SOX6: variants seen among roughly 807,000 people sequenced by gnomAD.
The protein encoded by SOX6 is SRY-box transcription factor 6, also known as transcription factor SOX-6.
In SOX6, 11 loss-of-function variants were observed where a neutral mutation model predicts 97.8. The observed-to-expected ratio is 0.11, with a 90% CI of 0.07 to 0.19. The LOEUF (loss-of-function observed/expected upper bound fraction) is 0.19. Ranked by LOEUF, SOX6 falls within the 10% of genes least tolerant of loss-of-function variation. The pLI is 1.00. For synonymous variants in SOX6, 360 were observed against 371.4 expected (o/e 0.97, Z 0.35); for missense variants, 810 against 1,039.5 (o/e 0.78, Z 3.04).
intron 6 of SOX6, among the ~76,000 whole-genome samples, chr11:16,183,090 A>T (rs1456736416): frequency 6.6e-6 from 1 of 152,016 alleles, no homozygotes; most frequent in South Asian, 2.1e-4. Flanking sequence ...ATTAGTCACT[A>T]GACAGCCAGT....
At chr11:16,733,235 C>T (rs1431683406) in intron 2 of SOX6, among the ~76,000 whole-genome samples, 3 of 152,102 alleles carry the variant, frequency 2.0e-5, no homozygotes, top group African/African-American at 7.2e-5. Context: ...GGGTATACAC[C>T]CAAAGGATTA....
intron 3 of SOX6, among the ~76,000 whole-genome samples, chr11:16,654,385 T>C (rs1847695441): frequency 6.6e-6 from 1 of 152,192 alleles, no homozygotes; most frequent in Non-Finnish European, 1.5e-5. Flanking sequence ...TTGCCCAGGC[T>C]GGTCTCAAAC....
intron 1 of SOX6, among the ~76,000 whole-genome samples, chr11:16,342,963 A>G (rs1856678148): frequency 1.3e-5 from 2 of 151,984 alleles, no homozygotes; most frequent in South Asian, 4.1e-4. Flanking sequence ...GAATGCCTAT[A>G]ATTTCTTTGA....
chr11:16,703,106 C>T (rs996515873), intron 3 of SOX6, among the ~76,000 whole-genome samples: 2 of 151,688 alleles, frequency 1.3e-5, no homozygotes, highest in Admixed American at 6.6e-5. Flanking sequence ...TATGTTTGTA[C>T]TTTAATAAGT....
chr11:16,496,824 C>G (rs1860606387), intron 4 of SOX6, among the ~76,000 whole-genome samples: 1 of 152,168 alleles, frequency 6.6e-6, no homozygotes, highest in Non-Finnish European at 1.5e-5. Context: ...CACTGGGAAG[C>G]TCAAACTGGG....
chr11:16,127,047 C>A (rs1031897433), intron 6 of SOX6, among the ~76,000 whole-genome samples: 21 of 152,054 alleles, frequency 1.4e-4, no homozygotes, highest in Non-Finnish European at 2.9e-5. Flanking sequence ...ACAATCCAAC[C>A]TCTTTCAATA....
intron 2 of SOX6, among the ~76,000 whole-genome samples, chr11:16,338,058 T>C (rs1856516177): frequency 6.6e-6 from 1 of 152,108 alleles, no homozygotes; most frequent in Non-Finnish European, 1.5e-5. Flanking sequence ...AAGAAACTTT[T>C]AGGGCTTGTT....
At position 15,973,040 on chromosome 11, in the gene SOX6, G is replaced by A; in HGVS notation, c.2256C>T (p.Thr752=). 6.2e-7 allele frequency: 1 copy of A among 1,614,148 alleles called. No homozygotes were observed. The highest frequency in any genetic ancestry group is 8.5e-7 in the Non-Finnish European group (1 of 1,180,016). The change falls in exon 16 of 16, where the codon ACC becomes ACT. Residue 752 remains threonine, a synonymous_variant. Coordinates refer to ENST00000683767, the MANE Select transcript of SOX6 (RefSeq NM_001367873.1). ...VYPGAITMAT[T]TPSPQMTSDC... ...CAGATGTCATCTGAGGCGATGGTGT[G>A]GTAGTTGCCATAGTGATAGCACCAG...
chr11:16,228,923 T>G (rs542115913), intron 4 of SOX6, among the ~76,000 whole-genome samples: 12 of 152,314 alleles, frequency 7.9e-5, no homozygotes, highest in African/African-American at 2.9e-4. Context: ...TAATCAGATA[T>G]AAAATTTTAT....
Position 16,392,414 on chromosome 11 carries a change from G to A in SOX6, c.-4-51162C>T, listed in dbSNP as rs146910057. ...TGTCTAAATTTAAAATATACTTAAT[G>A]TTTTAAATGAAAGTATTACCTCAGT... On this transcript the variant is annotated intron_variant, in intron 1 of 15. Transcript: ENST00000396356. Among the ~76,000 whole-genome samples the A allele has an allele frequency of 6.7e-4, 102 of 152,130 alleles. 1 individual carries two copies. The highest frequency in any genetic ancestry group is 6.8e-3 in the Middle Eastern group (2 of 294).
intron 2 of SOX6, among the ~76,000 whole-genome samples, chr11:16,717,740 T>C (rs1319547834): frequency 1.3e-5 from 2 of 152,160 alleles, no homozygotes; most frequent in Non-Finnish European, 2.9e-5. Flanking sequence ...AATCAAGAAG[T>C]ATTGATTCCT....
intron 4 of SOX6, among the ~76,000 whole-genome samples, chr11:16,608,277 T>C (rs768074878): frequency 1.4e-4 from 21 of 151,842 alleles, no homozygotes; most frequent in Non-Finnish European, 2.2e-4. Flanking sequence ...AATGTATGAA[T>C]GGTAGCTTGT....
At chr11:16,091,008 A>G (rs550025359) in intron 9 of SOX6, among the ~76,000 whole-genome samples, 241 of 152,210 alleles carry the variant, frequency 1.6e-3, no homozygotes, top group Non-Finnish European at 1.9e-3. Flanking sequence ...AAAAACTGCA[A>G]ATGGAGGTAT....
chr11:16,364,412 A>G (rs1170339113), intron 1 of SOX6, among the ~76,000 whole-genome samples: 2 of 152,098 alleles, frequency 1.3e-5, no homozygotes, highest in East Asian at 3.9e-4. Flanking sequence ...CCTGAGCTGC[A>G]CTTACAAACT....
At chr11:16,178,458 C>A (rs1851256889) in intron 6 of SOX6, among the ~76,000 whole-genome samples, 1 of 151,828 alleles carries the variant, frequency 6.6e-6, no homozygotes, top group Non-Finnish European at 1.5e-5. Context: ...TGCCTGTGGG[C>A]AATTAAAAAC....
intron 6 of SOX6, among the ~76,000 whole-genome samples, chr11:16,122,407 C>T (rs1849514930): frequency 6.6e-6 from 1 of 151,932 alleles, no homozygotes; most frequent in Non-Finnish European, 1.5e-5. Flanking sequence ...CCATTAAATA[C>T]ACAATGATCA....
chr11:16,337,554 A>G (rs1272623379), intron 2 of SOX6, among the ~76,000 whole-genome samples: 1 of 152,158 alleles, frequency 6.6e-6, no homozygotes, highest in South Asian at 2.1e-4. Flanking sequence ...TTTAGTGGAC[A>G]GTGTCAACAT....
At chr11:16,277,917 G>A (rs1213199185) in intron 3 of SOX6, among the ~76,000 whole-genome samples, 1 of 151,952 alleles carries the variant, frequency 6.6e-6, no homozygotes, top group Non-Finnish European at 1.5e-5. Context: ...CATTTACAAA[G>A]TAAGAATAGT....
At chr11:15,982,014 G>T (rs2119817182) in intron 15 of SOX6, among the ~76,000 whole-genome samples, 1 of 152,010 alleles carries the variant, frequency 6.6e-6, no homozygotes, top group East Asian at 1.9e-4. Flanking sequence ...CCAAGGGCAA[G>T]GGGAGAGTTC....
Sources: allele counts gnomAD v4.1 joint callset (sites outside exome capture counted in the v4.1 genomes callset), GRCh38; gene constraint gnomAD v4.1.1; transcripts MANE v1.5; gene names NCBI Gene and HGNC (gene_info 2026-07-23, HGNC 2026-07-21).